The following TMEM181 variants were observed in gnomAD, a reference collection of about 807,000 sequenced individuals.
The protein encoded by TMEM181 is G protein-coupled receptor 178.
TMEM181 carries 39 observed loss-of-function variants against 71.9 expected under a neutral mutation model. That is an observed-to-expected ratio of 0.54 (90% CI 0.42 to 0.71). The LOEUF is 0.71. Ranked by LOEUF, TMEM181 falls within the 30% of genes least tolerant of loss-of-function variation. TMEM181 has a pLI of 0.00. For synonymous variants in TMEM181, 245 were observed against 228.8 expected, an observed-to-expected ratio of 1.07 and a Z score of -0.64; for missense variants, 595 against 583.0, an observed-to-expected ratio of 1.02 and a Z score of -0.21.
rs1786711907 is a variant in TMEM181, at chr6:158,632,364, C to G, written c.*476C>G. The G allele has an allele frequency of 5.9e-6, 1 of 169,902 alleles. No individual in the cohort carries two copies. Among genetic ancestry groups the G allele is most frequent in the Non-Finnish European group, 1.3e-5 (1 of 77,766 alleles). 10.5% of individuals were successfully genotyped at this position (169,902 alleles called of 1,614,324 possible). A position where few individuals can be genotyped will look rare whatever the true frequency, so the allele number is the denominator to read the frequency against. ...TATCTGTGGCTGCTTCAGGGCAGTC[C>G]TTCCTCGTTGAGTGGCCAGTGCCCT... is the stretch of plus-strand genomic sequence containing the variant. On this transcript the variant is annotated 3_prime_UTR_variant, in exon 17 of 17. Coordinates refer to ENST00000684151, the MANE Select transcript of TMEM181 (RefSeq NM_001376852.1).
upstream of TMEM181, among the ~76,000 whole-genome samples, chr6:158,559,386 T>G (rs1036920802): frequency 6.6e-6 from 1 of 152,240 alleles, no homozygotes; most frequent in African/African-American, 2.4e-5. Flanking sequence ...CAAAGGAAGC[T>G]TGGAAGTCCT....
chr6:158,573,864 G>A (rs1372963789), intron 2 of TMEM181, among the ~76,000 whole-genome samples: 1 of 152,164 alleles, frequency 6.6e-6, no homozygotes, highest in African/African-American at 2.4e-5. Flanking sequence ...ATGCTGCCTG[G>A]TTGGGGAGAC....
intron 6 of TMEM181, among the ~76,000 whole-genome samples, chr6:158,601,744 GC>G (rs1784679735): frequency 6.7e-6 from 1 of 148,354 alleles, no homozygotes. Context: ...GGGTGGCAGA[GC>G]AAGACTGTCT....
chr6:158,564,438 A>AT (rs1393317215), intron 1 of TMEM181, among the ~76,000 whole-genome samples: 1 of 152,182 alleles, frequency 6.6e-6, no homozygotes, highest in Non-Finnish European at 1.5e-5. Flanking sequence ...CTGGTACCAA[A>AT]TAGGTGCTCA....
At chr6:158,542,660 A>G (rs1481462753) in intron 1 of TMEM181, among the ~76,000 whole-genome samples, 4 of 152,206 alleles carry the variant, frequency 2.6e-5, no homozygotes, top group African/African-American at 9.7e-5. Flanking sequence ...GCTAGAATGC[A>G]GTGACGTGAC....
At chr6:158,593,412 G>A (rs1784221122) in intron 6 of TMEM181, among the ~76,000 whole-genome samples, 1 of 152,138 alleles carries the variant, frequency 6.6e-6, no homozygotes, top group African/African-American at 2.4e-5. Context: ...CGTAATGAAT[G>A]TTTATTATTT....
chr6:158,564,027 C>G (rs1282367243), intron 1 of TMEM181, among the ~76,000 whole-genome samples: 1 of 152,204 alleles, frequency 6.6e-6, no homozygotes, highest in East Asian at 1.9e-4. Flanking sequence ...ATGCACCTAC[C>G]TCGGCTTCCG....
At chr6:158,605,223 C>CAT in intron 6 of TMEM181, 44 bp from the exon 7 acceptor site, 3 of 1,458,090 alleles carry the variant, frequency 2.1e-6, no homozygotes, top group Non-Finnish European at 2.9e-6. Context: ...CTCTTAGATG[C>CAT]ATATATATTT....
At chr6:158,568,807 AG>A (rs1464401961) in intron 1 of TMEM181, among the ~76,000 whole-genome samples, 1 of 152,158 alleles carries the variant, frequency 6.6e-6, no homozygotes, top group Non-Finnish European at 1.5e-5. Flanking sequence ...GTCTCACAGC[AG>A]GGGGCTAGGT....
exon 1 of TMEM181, chr6:158,536,694 A>G: frequency 6.4e-7 from 1 of 1,550,962 alleles, no homozygotes; most frequent in Non-Finnish European, 8.7e-7. Flanking sequence ...GGCGACACAA[A>G]GGGTGGAGCG....
At chr6:158,546,885 G>A (rs1198609043) in intron 1 of TMEM181, among the ~76,000 whole-genome samples, 17 of 152,288 alleles carry the variant, frequency 1.1e-4, no homozygotes, top group African/African-American at 3.6e-4. Context: ...ATTTGAACCC[G>A]GGAGGTGGAG....
intron 6 of TMEM181, among the ~76,000 whole-genome samples, chr6:158,599,806 ACT>A (rs982162070): frequency 2.0e-5 from 3 of 151,694 alleles, no homozygotes; most frequent in Admixed American, 6.6e-5. Flanking sequence ...GCTTGGGAAA[ACT>A]CAGCCTTTCA....
intron 1 of TMEM181, among the ~76,000 whole-genome samples, chr6:158,561,444 T>C (rs188037323): frequency 1.8e-3 from 268 of 152,338 alleles, no homozygotes; most frequent in Non-Finnish European, 3.1e-3. Flanking sequence ...TAAATAATAC[T>C]GCTTGGAACG....
rs34066198 is a variant in TMEM181, at chr6:158,549,952, CT to C, written c.131+13107del. Reference sequence around the variant, plus strand: ...GCCTTCCCCAACCTATTTGTCAGGACTTTTTTTTTTTTTTTTTTTTAACACA... The same window carrying C: ...GCCTTCCCCAACCTATTTGTCAGGACTTTTTTTTTTTTTTTTTTTAACACA... On this transcript the variant is annotated intron_variant, in intron 1 of 16. Transcript: ENST00000367090. 3.4e-3 allele frequency among the ~76,000 whole-genome samples: 379 copies of C among 110,830 alleles called. 1 individual carries two copies. Among genetic ancestry groups the C allele is most frequent in the South Asian group, 4.5e-3 (15 of 3,320 alleles). 72.7% of individuals were successfully genotyped at this position (110,830 alleles called of 152,430 possible).
chr6:158,625,132 C>T lies in TMEM181; in HGVS notation c.983C>T (p.Ala328Val). The change falls in exon 12 of 17, where the codon GCA becomes GTA. Residue 328 changes from alanine to valine, a missense_variant. Ala to Val is a moderately conservative substitution (Grantham distance 64, BLOSUM62 0). Coordinates refer to ENST00000684151, the MANE Select transcript of TMEM181 (RefSeq NM_001376852.1). ...ATGAAGGTCTTCTTCATGGTGGTGG[C>T]AGCGGTGTACATTCTGTACCTCTTG... ...QGMKVFFMVV[A>V]AVYILYLLFL... 1 of 1,614,180 alleles carries T rather than the reference C, an allele frequency of 6.2e-7. No homozygotes were observed. The highest frequency in any genetic ancestry group is 8.5e-7 in the Non-Finnish European group (1 of 1,180,010).
intron 11 of TMEM181, 99 bp from the exon 12 acceptor site, chr6:158,625,005 C>T: frequency 1.1e-6 from 1 of 913,840 alleles, no homozygotes; most frequent in Middle Eastern, 2.5e-4. Context: ...GGTTGAAGTC[C>T]CTTCTAAAAA....
chr6:158,543,176 CAG>C (rs773748661), intron 1 of TMEM181, among the ~76,000 whole-genome samples: 9 of 152,006 alleles, frequency 5.9e-5, no homozygotes, highest in Non-Finnish European at 1.2e-4. Context: ...CGCCTGGCCT[CAG>C]AGTATGTTTA....
chr6:158,539,359 A>C (rs1274013439), intron 1 of TMEM181, among the ~76,000 whole-genome samples: 1 of 152,224 alleles, frequency 6.6e-6, no homozygotes, highest in Non-Finnish European at 1.5e-5. Context: ...GCTGTACAAA[A>C]CTAGGTGAAA....
chr6:158,585,416 A>G lies in TMEM181; in HGVS notation c.372A>G (p.Thr124=), dbSNP rs202188884. ...TTCACAACCGGACAAGGACCCTCAC[A>G]TGTGCAGGGGTGAGTGTGTGGGGTG... is the stretch of plus-strand genomic sequence containing the variant. ...NKVHNRTRTL[T]CAGKCAEIIV... is the part of the protein sequence containing the mutation. The change falls in exon 5 of 17, where the codon ACA becomes ACG. Residue 124 remains threonine, a synonymous_variant. Coordinates refer to ENST00000684151, the MANE Select transcript of TMEM181 (RefSeq NM_001376852.1). The G allele has an allele frequency of 4.5e-5, 73 of 1,606,998 alleles. No homozygotes were observed. In the Middle Eastern group the frequency reaches 1.2e-3, roughly 26 times the overall value.
Sources: allele counts gnomAD v4.1 joint callset (sites outside exome capture counted in the v4.1 genomes callset), GRCh38; gene constraint gnomAD v4.1.1; transcripts MANE v1.5; gene names NCBI Gene and HGNC (gene_info 2026-07-23, HGNC 2026-07-21).